Variants in AFF2 observed in about 807,000 individuals in gnomAD.
AFF2 encodes the protein AF4/FMR2 family member 2.
Under a neutral mutation model 76.9 loss-of-function variants are expected in AFF2, and 14 were observed. The observed-to-expected ratio is 0.18, with a 90% CI of 0.12 to 0.28. The LOEUF (loss-of-function observed/expected upper bound fraction) is 0.28, where lower values mean the gene tolerates loss of function less well. Ranked by LOEUF, AFF2 falls within the 10% of genes least tolerant of loss-of-function variation. The pLI, the probability that AFF2 is intolerant of heterozygous loss-of-function variation, is 1.00. For synonymous variants in AFF2, 398 were observed against 366.7 expected, an observed-to-expected ratio of 1.09 and a Z score of -0.98; for missense variants, 868 against 1,001.1, an observed-to-expected ratio of 0.87 and a Z score of 1.79.
chrX:148,592,769 C>T (rs1371636453), intron 1 of AFF2, among the ~76,000 whole-genome samples: 3 of 111,764 alleles, frequency 2.7e-5, no homozygotes, highest in Non-Finnish European at 5.6e-5. Flanking sequence ...CCCTGAGGCA[C>T]GTGGCCTTTG....
At chrX:148,795,616 C>T (rs2069956732) in intron 3 of AFF2, among the ~76,000 whole-genome samples, 1 of 102,253 alleles carries the variant, frequency 9.8e-6, no homozygotes, top group Non-Finnish European at 2.0e-5. Context: ...TGCTGGCTAA[C>T]ACGGTGAAAC....
In AFF2 at chrX:148,781,772, C is replaced by T. The variant is rs1557269101; in HGVS notation, c.1042-28104C>T. ...GAAGAAAAAGCTCCTGCAGCTAGCT[C>T]GGTGTCTGCCCAGATGGCCACCCAG... On this transcript the variant is annotated intron_variant, in intron 3 of 20. Transcript: ENST00000370460. Among the ~76,000 whole-genome samples the T allele has an allele frequency of 6.3e-5, 7 of 111,611 alleles. No individual in the cohort carries two copies. The South Asian group carries it at 1.5e-3, about 25-fold the overall frequency.
intron 1 of AFF2, among the ~76,000 whole-genome samples, chrX:148,616,046 A>G (rs2053796265): frequency 8.9e-6 from 1 of 111,956 alleles, no homozygotes; most frequent in South Asian, 3.6e-4. Context: ...TACTCTTTAT[A>G]TGTTAACTCA....
chrX:148,889,250 A>G (rs1166855634), intron 8 of AFF2, among the ~76,000 whole-genome samples: 2 of 111,552 alleles, frequency 1.8e-5, no homozygotes, highest in African/African-American at 6.5e-5. Flanking sequence ...GTATCTTACA[A>G]TCAGAACAGC....
chrX:148,678,828 G>C (rs2054513631), intron 3 of AFF2, among the ~76,000 whole-genome samples: 1 of 111,858 alleles, frequency 8.9e-6, no homozygotes, highest in Non-Finnish European at 1.9e-5. Context: ...GGAAAAGAAA[G>C]GAAATTGTAG....
intron 20 of AFF2, among the ~76,000 whole-genome samples, chrX:148,989,101 C>G: frequency 8.9e-6 from 1 of 112,243 alleles, no homozygotes; most frequent in Non-Finnish European, 1.9e-5. Context: ...GTCTACTTTT[C>G]TACACCTCTG....
intron 3 of AFF2, among the ~76,000 whole-genome samples, chrX:148,722,852 C>T (rs1225899900): frequency 9.0e-6 from 1 of 111,120 alleles, no homozygotes; most frequent in Non-Finnish European, 1.9e-5. Context: ...ATACCCCAGT[C>T]CTCTGGGCAA....
At chrX:148,862,507 C>T (rs1188289925) in intron 7 of AFF2, among the ~76,000 whole-genome samples, 4 of 111,617 alleles carry the variant, frequency 3.6e-5, no homozygotes, top group Non-Finnish European at 7.5e-5. Context: ...TCCCATTATG[C>T]CCTCATTTTC....
chrX:148,662,471 G>T lies in AFF2; in HGVS notation c.744G>T (p.Ala248=). Residue 248 remains alanine, a synonymous_variant, in exon 3 of 21, where the codon GCG becomes GCT. Transcript: ENST00000370460. The stretch of plus-strand genomic sequence containing the variant: ...AAGAATCTGAATTCGCCGTGCAAGC[G>T]CCTGGGTCTCCCCTAGTGGCTTCCT... ...SPEESEFAVQ[A]PGSPLVASSL... 2.5e-6 allele frequency: 3 copies of T among 1,211,801 alleles called. No homozygotes were observed. Among genetic ancestry groups the T allele is most frequent in the Non-Finnish European group, 3.4e-6 (3 of 895,463 alleles).
intron 9 of AFF2, among the ~76,000 whole-genome samples, chrX:148,953,153 C>T (rs1428242822): frequency 8.9e-6 from 1 of 111,748 alleles, no homozygotes; most frequent in Non-Finnish European, 1.9e-5. Flanking sequence ...TAGCTAAGAT[C>T]AGAGCCCCTT....
At chrX:148,818,384 A>G (rs2070291062) in intron 4 of AFF2, among the ~76,000 whole-genome samples, 2 of 111,580 alleles carry the variant, frequency 1.8e-5, no homozygotes, top group Non-Finnish European at 3.8e-5. Context: ...ATTGTGTCAG[A>G]GCTGTATAAA....
chrX:148,983,393 C>A, intron 19 of AFF2, among the ~76,000 whole-genome samples: 1 of 111,583 alleles, frequency 9.0e-6, no homozygotes, highest in Admixed American at 9.5e-5. Context: ...TTCTCTGAGG[C>A]CAGAAACAGT....
intron 8 of AFF2, among the ~76,000 whole-genome samples, chrX:148,900,433 A>G (rs939824991): frequency 8.9e-6 from 1 of 111,907 alleles, no homozygotes; most frequent in Non-Finnish European, 1.9e-5. Context: ...GTCTGTAGCC[A>G]CATCATCCCT....
At chrX:148,565,909 C>CAT (rs201250947) in intron 1 of AFF2, among the ~76,000 whole-genome samples, 56 of 109,236 alleles carry the variant, frequency 5.1e-4, no homozygotes, top group African/African-American at 1.6e-3. Flanking sequence ...GTTAAAAGTT[C>CAT]ATATATATAT....
chrX:148,566,521 GC>G lies in AFF2; in HGVS notation c.47+65378del, dbSNP rs782159296. On this transcript the variant is annotated intron_variant, in intron 1 of 20. Transcript: ENST00000370460. Reference sequence around the variant, plus strand: ...ATTTGAATCAGAGCAATGAAATGCAGCAATTCAGTGACAGTTGCATCCCCCT... The same window carrying G: ...ATTTGAATCAGAGCAATGAAATGCAGAATTCAGTGACAGTTGCATCCCCCT... Among the ~76,000 whole-genome samples, 11 of 111,249 alleles carry G rather than the reference GC, an allele frequency of 9.9e-5. No homozygotes were observed. The South Asian group carries it at 4.2e-3, about 42-fold the overall frequency.
At chrX:148,581,269 CACATATACACGTAT>C (rs1557244739) in intron 1 of AFF2, among the ~76,000 whole-genome samples, 1 of 61,411 alleles carries the variant, frequency 1.6e-5, no homozygotes, top group African/African-American at 5.0e-5. Context: ...TACGTGTACA[CACATATACACGTAT>C]ATACGTATAC....
intron 7 of AFF2, among the ~76,000 whole-genome samples, chrX:148,865,277 CCT>C (rs2070893269): frequency 8.9e-6 from 1 of 112,352 alleles, no homozygotes; most frequent in Non-Finnish European, 1.9e-5. Flanking sequence ...AAATGGCTTT[CCT>C]AGTCTGTGGT....
chrX:148,565,220 A>G (rs1314859895), intron 1 of AFF2, among the ~76,000 whole-genome samples: 3 of 111,426 alleles, frequency 2.7e-5, no homozygotes, highest in Non-Finnish European at 3.8e-5. Context: ...TCTGTTCTTG[A>G]AGGAATAGTA....
intron 7 of AFF2, among the ~76,000 whole-genome samples, chrX:148,855,968 G>C (rs782139191): frequency 1.8e-5 from 2 of 111,727 alleles, no homozygotes; most frequent in Non-Finnish European, 3.8e-5. Flanking sequence ...AGTGAGTGCT[G>C]TTTGTACTAC....
Sources: allele counts gnomAD v4.1 joint callset (sites outside exome capture counted in the v4.1 genomes callset), GRCh38; gene constraint gnomAD v4.1.1; transcripts MANE v1.5; gene names NCBI Gene and HGNC (gene_info 2026-07-23, HGNC 2026-07-21).